DLG2: variants seen among roughly 807,000 people sequenced by gnomAD.
DLG2 encodes discs large MAGUK scaffold protein 2.
A neutral mutation model predicts 132.5 loss-of-function variants in DLG2; 45 were observed. That is an observed-to-expected ratio of 0.34 (90% confidence interval 0.27 to 0.44). The LOEUF (loss-of-function observed/expected upper bound fraction) is 0.44, where lower values mean the gene tolerates loss of function less well. DLG2 is among the 20% of genes least tolerant of loss of function. The probability of loss-of-function intolerance (pLI) is 1.00; values close to 1 mark genes in which losing one functional copy is unlikely to be tolerated. For synonymous variants in DLG2, 424 were observed against 419.6 expected (o/e 1.01, Z -0.13); for missense variants, 1,045 against 1,196.9 (o/e 0.87, Z 1.87).
intron 3 of DLG2, among the ~76,000 whole-genome samples, chr11:85,593,075 T>C (rs1041378643): frequency 6.6e-5 from 10 of 151,976 alleles, no homozygotes; most frequent in African/African-American, 2.4e-4. Flanking sequence ...AAAGATATGC[T>C]ACTATATTTT....
intron 6 of DLG2, among the ~76,000 whole-genome samples, chr11:84,790,182 T>C (rs556262951): frequency 6.6e-6 from 1 of 152,320 alleles, no homozygotes; most frequent in Non-Finnish European, 1.5e-5. Flanking sequence ...AAAGAGGTTG[T>C]ACTAATTTAC....
intron 3 of DLG2, among the ~76,000 whole-genome samples, chr11:85,488,502 C>T (rs959663835): frequency 6.6e-6 from 1 of 152,158 alleles, no homozygotes; most frequent in Non-Finnish European, 1.5e-5. Flanking sequence ...TCCAATTAAA[C>T]CTCTTTTTCT....
At chr11:84,818,168 A>T (rs750070741) in intron 6 of DLG2, among the ~76,000 whole-genome samples, 12 of 152,026 alleles carry the variant, frequency 7.9e-5, no homozygotes, top group Non-Finnish European at 1.8e-4. Context: ...CAGAATTCAA[A>T]CACTTCCACG....
chr11:84,718,310 A>G (rs1414404475), intron 6 of DLG2, among the ~76,000 whole-genome samples: 1 of 152,122 alleles, frequency 6.6e-6, no homozygotes, highest in Non-Finnish European at 1.5e-5. Context: ...CACACATGAC[A>G]TAGGTGTTTC....
At position 84,933,714 on chromosome 11, in the gene DLG2, A is replaced by C. The variant is rs376540277; in HGVS notation, c.357+177947T>G. Reference sequence around the variant, plus strand: ...AGTGATTTTTGCACATTCATGTTATATCCTGAGACTTTGCTGAAGTTGTTT... The same window carrying C: ...AGTGATTTTTGCACATTCATGTTATCTCCTGAGACTTTGCTGAAGTTGTTT... On this transcript the variant is annotated intron_variant, in intron 6 of 27. Transcript: ENST00000376104. Among the ~76,000 whole-genome samples, 137 of 152,316 alleles carry C rather than the reference A, an allele frequency of 9.0e-4. 1 individual carries two copies. Among genetic ancestry groups the C allele is most frequent in the African/African-American group, 2.8e-3 (115 of 41,572 alleles).
At chr11:84,604,309 A>G (rs755459565) in intron 6 of DLG2, among the ~76,000 whole-genome samples, 2 of 151,924 alleles carry the variant, frequency 1.3e-5, no homozygotes, top group Non-Finnish European at 2.9e-5. Context: ...GATGAGAGAG[A>G]AGAATATATT....
chr11:85,094,566 C>T (rs943391926), intron 6 of DLG2, among the ~76,000 whole-genome samples: 25 of 152,190 alleles, frequency 1.6e-4, no homozygotes, highest in African/African-American at 6.0e-4. Context: ...ATATGGATGG[C>T]TTCTTTCCTT....
At chr11:85,295,063 T>C (rs2079134015) in intron 3 of DLG2, among the ~76,000 whole-genome samples, 1 of 152,166 alleles carries the variant, frequency 6.6e-6, no homozygotes, top group Admixed American at 6.6e-5. Flanking sequence ...AGCTACCTTT[T>C]ATCTTACACT....
Position 83,537,807 on chromosome 11 carries a change from C to CAAAAAA in DLG2, c.2117+3869_2117+3874dup, listed in dbSNP as rs1164386994. ...AGGCAACGAAAGTGAGACTCTGTCT[C>CAAAAAA]AAAAAAAAAAAAAAAAAAAAAAAAA... On this transcript the variant is annotated intron_variant, in intron 20 of 27. Transcript: ENST00000376104. Among the ~76,000 whole-genome samples the CAAAAAA allele has an allele frequency of 3.6e-3, 65 of 18,218 alleles. 5 individuals carry two copies. Among genetic ancestry groups the CAAAAAA allele is most frequent in the Non-Finnish European group, 5.1e-3 (49 of 9,702 alleles). The allele number at this position is 18,218 out of a possible 152,430, so 12.0% of individuals were successfully genotyped here. A position where few individuals can be genotyped will look rare whatever the true frequency, so the allele number is the denominator to read the frequency against.
At chr11:85,305,048 G>A (rs1436986109) in intron 3 of DLG2, among the ~76,000 whole-genome samples, 1 of 152,168 alleles carries the variant, frequency 6.6e-6, no homozygotes, top group African/African-American at 2.4e-5. Context: ...TTTGTTGAAT[G>A]ATTGAATGAC....
In DLG2 at chr11:85,146,227, C is replaced by CTCTCTCTCTCTCT. The variant is rs1555384682; in HGVS notation, c.282+8328_282+8329insAGAGAGAGAGAGA. Among the ~76,000 whole-genome samples the CTCTCTCTCTCTCT allele has an allele frequency of 9.1e-4, 117 of 129,200 alleles. 1 individual carries two copies. The highest frequency in any genetic ancestry group is 4.0e-3 in the Middle Eastern group (1 of 252). The allele number at this position is 129,200 out of a possible 152,430, so 84.8% of individuals were successfully genotyped here. ...AAGTCTGTCTGTATGTCTGTTTCTC[C>CTCTCTCTCTCTCT]CTCTCTCTCTCTCTCTCTCTCTCTC... On this transcript the variant is annotated intron_variant, in intron 5 of 27. Coordinates refer to ENST00000376104, the MANE Select transcript of DLG2 (RefSeq NM_001142699.3).
intron 12 of DLG2, among the ~76,000 whole-genome samples, chr11:83,977,072 G>C (rs1452764955): frequency 6.6e-6 from 1 of 151,912 alleles, no homozygotes; most frequent in Non-Finnish European, 1.5e-5. Context: ...ATAACCAAAA[G>C]GTTGTGCAGC....
intron 7 of DLG2, among the ~76,000 whole-genome samples, chr11:84,521,568 T>G (rs1196715817): frequency 6.6e-6 from 1 of 152,238 alleles, no homozygotes; most frequent in Middle Eastern, 3.2e-3. Flanking sequence ...TTGCGTTATC[T>G]GATTATTTAA....
chr11:84,845,995 T>C (rs1186039078), intron 6 of DLG2, among the ~76,000 whole-genome samples: 2 of 152,006 alleles, frequency 1.3e-5, no homozygotes, highest in African/African-American at 4.8e-5. Flanking sequence ...TGATTATCAT[T>C]GTACCTCAAG....
At chr11:84,018,829 C>G (rs1258837323) in intron 11 of DLG2, among the ~76,000 whole-genome samples, 1 of 150,840 alleles carries the variant, frequency 6.6e-6, no homozygotes, top group African/African-American at 2.4e-5. Context: ...TTAAAGAAGA[C>G]TGAAAAGACA....
intron 9 of DLG2, among the ~76,000 whole-genome samples, chr11:84,142,426 T>A (rs2094895133): frequency 6.6e-6 from 1 of 152,036 alleles, no homozygotes; most frequent in African/African-American, 2.4e-5. Flanking sequence ...CAGGTTGTGA[T>A]TACAAAGGTG....
intron 7 of DLG2, among the ~76,000 whole-genome samples, chr11:84,433,553 T>C (rs1451803979): frequency 6.6e-6 from 1 of 152,252 alleles, no homozygotes; most frequent in African/African-American, 2.4e-5. Context: ...ATTATCACTT[T>C]TAAAATAATT....
At chr11:83,933,397 T>C (rs2080779722) in intron 14 of DLG2, among the ~76,000 whole-genome samples, 1 of 152,230 alleles carries the variant, frequency 6.6e-6, no homozygotes, top group African/African-American at 2.4e-5. Context: ...AGTGAATTTA[T>C]AAACAAATCA....
chr11:83,939,737 A>T (rs2082243328), intron 14 of DLG2, among the ~76,000 whole-genome samples: 1 of 152,222 alleles, frequency 6.6e-6, no homozygotes, highest in South Asian at 2.1e-4. Context: ...TATTTAGCAA[A>T]ATCACATTTT....
Sources: gnomAD v4.1 joint callset for allele counts (sites outside exome capture counted in the v4.1 genomes callset) on GRCh38, gnomAD v4.1.1 for gene constraint, MANE v1.5 for transcripts, NCBI Gene and HGNC (gene_info 2026-07-23, HGNC 2026-07-21) for gene names.